Variants in BABAM2 observed in about 807,000 individuals in gnomAD.
BABAM2 encodes the protein BRISC and BRCA1-A complex member 2.
Under a neutral mutation model 54.7 loss-of-function variants are expected in BABAM2, and 31 were observed. The ratio of observed to expected loss-of-function variants is 0.57; its 90% CI spans 0.43 to 0.77. BABAM2 has a LOEUF of 0.77. Among genes scored for constraint, BABAM2 ranks in the 30% least tolerant of loss-of-function variants. The pLI, the probability that BABAM2 is intolerant of heterozygous loss-of-function variation, is 0.00. For missense variants in BABAM2, 364 were observed against 455.8 expected (o/e 0.80, Z 1.83); for synonymous variants, 167 against 162.9 (o/e 1.03, Z -0.19).
rs544232784 is a variant in BABAM2 at position 28,242,677 on chromosome 2, C to T, written c.851+1284C>T. Among the ~76,000 whole-genome samples the T allele has an allele frequency of 8.5e-4, 129 of 151,974 alleles. 2 individuals are homozygous for T. The South Asian group carries it at 0.027, about 31-fold the overall frequency. On this transcript the variant is annotated intron_variant, in intron 9 of 11. Transcript: ENST00000379624. ...TGAAACCAAGAAAATGATTTGTCAC[C>T]CTCTGGGATATAATTTTCAAACCAT...
chr2:28,032,881 A>G (rs1290218146), intron 5 of BABAM2, among the ~76,000 whole-genome samples: 1 of 152,124 alleles, frequency 6.6e-6, no homozygotes, highest in Non-Finnish European at 1.5e-5. Context: ...AGTATCCTTC[A>G]CTCAGTTTCC....
intron 7 of BABAM2, among the ~76,000 whole-genome samples, chr2:28,215,432 A>G (rs565756267): frequency 1.1e-4 from 17 of 152,354 alleles, no homozygotes; most frequent in African/African-American, 4.1e-4. Context: ...TTGTTGATGC[A>G]GCACTGATAT....
intron 7 of BABAM2, among the ~76,000 whole-genome samples, chr2:28,192,445 TA>T (rs61354708): frequency 0.021 from 3,049 of 145,742 alleles, 103 homozygotes; most frequent in African/African-American, 0.07. Context: ...TAAAGTATAA[TA>T]AAAAAAAAAA....
chr2:27,960,504 T>A (rs1392875980), intron 3 of BABAM2, among the ~76,000 whole-genome samples: 1 of 152,212 alleles, frequency 6.6e-6, no homozygotes, highest in East Asian at 1.9e-4. Context: ...ACTGATTTTT[T>A]GGCAAGTGTT....
intron 7 of BABAM2, among the ~76,000 whole-genome samples, chr2:28,143,578 G>A (rs1671245480): frequency 6.6e-6 from 1 of 152,132 alleles, no homozygotes. Context: ...ATTTTACTAT[G>A]TGTATGTATA....
intron 9 of BABAM2, among the ~76,000 whole-genome samples, chr2:28,242,128 G>T (rs115071811): frequency 6.6e-6 from 1 of 152,066 alleles, no homozygotes; most frequent in African/African-American, 2.4e-5. Context: ...TGGAAGTCGC[G>T]CCCCTAGAAG....
At chr2:28,089,381 T>C (rs1665966619) in intron 6 of BABAM2, among the ~76,000 whole-genome samples, 1 of 152,236 alleles carries the variant, frequency 6.6e-6, no homozygotes, top group African/African-American at 2.4e-5. Flanking sequence ...CACCTCTTTC[T>C]CTGCTAGCAC....
At chr2:28,240,076 A>G (rs535409316) in intron 8 of BABAM2, among the ~76,000 whole-genome samples, 164 of 152,242 alleles carry the variant, frequency 1.1e-3, no homozygotes, top group African/African-American at 3.8e-3. Context: ...GAGACGTTCT[A>G]CAAGACTACT....
intron 7 of BABAM2, among the ~76,000 whole-genome samples, chr2:28,209,213 G>A (rs1015616912): frequency 1.3e-5 from 2 of 152,136 alleles, no homozygotes; most frequent in Non-Finnish European, 2.9e-5. Context: ...TGTCCATAGC[G>A]GAAGTCAACA....
intron 4 of BABAM2, among the ~76,000 whole-genome samples, chr2:28,022,537 TTGAC>T (rs1480596965): frequency 6.6e-5 from 10 of 152,210 alleles, no homozygotes; most frequent in Non-Finnish European, 1.2e-4. Flanking sequence ...TTTATTTTCT[TTGAC>T]TGTGTTTTAT....
intron 3 of BABAM2, among the ~76,000 whole-genome samples, chr2:27,948,660 A>C (rs1324423098): frequency 2.6e-5 from 4 of 152,144 alleles, no homozygotes. Flanking sequence ...AATCCCAGCT[A>C]CTTGGGAGGC....
At chr2:28,077,283 A>G (rs1024396472) in intron 6 of BABAM2, among the ~76,000 whole-genome samples, 1 of 152,232 alleles carries the variant, frequency 6.6e-6, no homozygotes, top group African/African-American at 2.4e-5. Flanking sequence ...CTTTTTAAGA[A>G]CTAAAGTTTT....
intron 7 of BABAM2, among the ~76,000 whole-genome samples, chr2:28,195,389 T>C (rs1437778861): frequency 6.6e-6 from 1 of 152,226 alleles, no homozygotes; most frequent in East Asian, 1.9e-4. Flanking sequence ...AATCTTTACA[T>C]AATTTCCCCC....
intron 6 of BABAM2, among the ~76,000 whole-genome samples, chr2:28,098,521 T>C (rs746534348): frequency 3.9e-5 from 6 of 152,208 alleles, no homozygotes; most frequent in Non-Finnish European, 5.9e-5. Flanking sequence ...TTTTCCTTTT[T>C]CCCCATGTTT....
At chr2:28,286,394 C>T (rs1319111051) in intron 10 of BABAM2, among the ~76,000 whole-genome samples, 3 of 152,142 alleles carry the variant, frequency 2.0e-5, no homozygotes, top group Non-Finnish European at 4.4e-5. Flanking sequence ...AAGGGTAATG[C>T]TCATAGAAAG....
At chr2:27,950,056 A>G (rs1049146331) in intron 3 of BABAM2, among the ~76,000 whole-genome samples, 1 of 152,210 alleles carries the variant, frequency 6.6e-6, no homozygotes, top group African/African-American at 2.4e-5. Context: ...CTGAAGTTCT[A>G]GATTCACTCC....
intron 7 of BABAM2, among the ~76,000 whole-genome samples, chr2:28,231,715 T>C (rs1273708930): frequency 6.8e-6 from 1 of 147,134 alleles, no homozygotes; most frequent in Non-Finnish European, 1.5e-5. Flanking sequence ...CTTGGAGTGC[T>C]TGGTGCTATT....
chr2:28,316,742 C>T (rs1448984201), intron 11 of BABAM2, among the ~76,000 whole-genome samples: 3 of 152,092 alleles, frequency 2.0e-5, no homozygotes, highest in East Asian at 1.9e-4. Flanking sequence ...TGGGGAGATG[C>T]GTGTGTGAGT....
intron 7 of BABAM2, among the ~76,000 whole-genome samples, chr2:28,202,004 T>C (rs180761924): frequency 1.5e-3 from 234 of 152,168 alleles, no homozygotes; most frequent in South Asian, 4.6e-3. Flanking sequence ...AGGGGAACAA[T>C]TGGGAATTGC....
Sources: gnomAD v4.1 joint callset for allele counts (sites outside exome capture counted in the v4.1 genomes callset) on GRCh38, gnomAD v4.1.1 for gene constraint, MANE v1.5 for transcripts, NCBI Gene and HGNC (gene_info 2026-07-23, HGNC 2026-07-21) for gene names.